Variants in KLC2 observed in about 807,000 individuals in gnomAD.
KLC2 encodes the protein kinesin light chain 2, also known as KLC 2.
A neutral mutation model predicts 75.1 loss-of-function variants in KLC2; 35 were observed. The observed-to-expected ratio is 0.47, with a 90% CI of 0.36 to 0.62. The LOEUF is 0.62. Ranked by LOEUF, KLC2 falls within the 20% of genes least tolerant of loss-of-function variation. The pLI, the probability that KLC2 is intolerant of heterozygous loss-of-function variation, is 0.00. For synonymous variants in KLC2, 314 were observed against 336.7 expected, an observed-to-expected ratio of 0.93 and a Z score of 0.74; for missense variants, 611 against 833.2, an observed-to-expected ratio of 0.73 and a Z score of 3.28.
chr11:66,245,318 C>T, the KLC2 span, among the ~76,000 whole-genome samples: 5 of 152,204 alleles, frequency 3.3e-5, no homozygotes, highest in South Asian at 2.1e-4. Context: ...CAGTGGCTCA[C>T]GCCTGTAATC....
intron 4 of KLC2, 173 bp downstream of exon 4, chr11:66,262,365 T>G: frequency 1.6e-6 from 1 of 623,456 alleles, no homozygotes; most frequent in Non-Finnish European, 2.9e-6. Context: ...CCCCCAGCTC[T>G]GTGGTGAGCA....
intron 4 of KLC2, 73 bp downstream of exon 4, chr11:66,262,265 G>C (rs1856492257): frequency 8.3e-7 from 1 of 1,199,798 alleles, no homozygotes; most frequent in African/African-American, 1.5e-5. Context: ...CCGAGTGGCT[G>C]CCATGTTCCT....
In KLC2 at chr11:66,265,167, G is replaced by C; in HGVS notation, c.1267-1G>C. ...CTTCTTGTGACCATTCTTTCCTCCA[G>C]GATAAGCGCCGGGACAGCGCCCCCT... On this transcript the variant is annotated splice_acceptor_variant, in intron 10 of 15. Transcript: ENST00000394067. LOFTEE classifies it high-confidence loss of function. 1 of 1,613,532 alleles carries C rather than the reference G, an allele frequency of 6.2e-7. No homozygotes were observed. The highest frequency in any genetic ancestry group is 8.5e-7 in the Non-Finnish European group (1 of 1,179,528).
Position 66,265,862 on chromosome 11 carries a change from C to G in KLC2, c.1452C>G (p.Asp484Glu). ...CASRNRKQGLDPASQTKVVEL... is the reference protein window; with the variant it reads ...CASRNRKQGLEPASQTKVVEL... ...CCCTGCCCCTCCCTCAGGGTTTGGA[C>G]CCCGCAAGCCAGACCAAGGTGGTAG... Residue 484 changes from aspartate to glutamate, a missense_variant, in exon 13 of 16, where the codon GAC becomes GAG. Asp to Glu is a conservative substitution (Grantham distance 45). Coordinates refer to ENST00000394067, the MANE Select transcript of KLC2 (RefSeq NM_001318734.2). 1.3e-6 allele frequency: 2 copies of G among 1,573,232 alleles called. No homozygotes were observed. Among genetic ancestry groups the G allele is most frequent in the Non-Finnish European group, 1.7e-6 (2 of 1,155,466 alleles).
At chr11:66,254,698 G>C (rs930808857), upstream of KLC2, among the ~76,000 whole-genome samples, 12 of 150,020 alleles carry the variant, frequency 8.0e-5, no homozygotes, top group Admixed American at 8.0e-4. Flanking sequence ...CACTTTGGGA[G>C]GCCAAGGTGG....
At position 66,267,781 on chromosome 11, in the gene KLC2, G is replaced by A. The variant is rs1002029262; in HGVS notation, c.*825G>A. 12 of 452,526 alleles carry A rather than the reference G, an allele frequency of 2.7e-5. No individual in the cohort carries two copies. In the South Asian group the frequency reaches 6.0e-4, roughly 23 times the overall value. 28.0% of individuals were successfully genotyped at this position (452,526 alleles called of 1,614,324 possible). On this transcript the variant is annotated 3_prime_UTR_variant, in exon 16 of 16. Transcript: ENST00000394067. ...GGCGACGGTCCCCTGGTGGCAGGAG[G>A]GGCTCCCCCTGTTGCGGGTGAGGCG...
At chr11:66,246,438 C>T in the KLC2 span, among the ~76,000 whole-genome samples, 1 of 152,128 alleles carries the variant, frequency 6.6e-6, no homozygotes, top group East Asian at 1.9e-4. Flanking sequence ...CCTCAGCCTC[C>T]CCTTCTGTGG....
At chr11:66,247,816 T>C in the KLC2 span, among the ~76,000 whole-genome samples, 1 of 152,240 alleles carries the variant, frequency 6.6e-6, no homozygotes, top group Admixed American at 6.5e-5. Context: ...TCCCTCTTGC[T>C]GCTGGAATTG....
Position 66,258,607 on chromosome 11 carries a change from G to A in KLC2, c.13G>A (p.Val5Met). Residue 5 changes from valine to methionine, a missense_variant, in exon 2 of 16, where the codon GTG (valine) becomes ATG (methionine). Coordinates refer to ENST00000394067, the MANE Select transcript of KLC2 (RefSeq NM_001318734.2). ...AGACGCCACAGCCATGGCCATGATG[G>A]TGTTTCCGCGGGAGGAGAAGCTGAG... MAMM[V>M]FPREEKLSQD... 1 of 1,613,226 alleles carries A rather than the reference G, an allele frequency of 6.2e-7. No individual in the cohort carries two copies. The highest frequency in any genetic ancestry group is 1.3e-5 in the African/African-American group (1 of 75,054).
chr11:66,267,605 C>G lies in KLC2; in HGVS notation c.*649C>G. On this transcript the variant is annotated 3_prime_UTR_variant, in exon 16 of 16. Coordinates refer to ENST00000394067, the MANE Select transcript of KLC2 (RefSeq NM_001318734.2). ...GACGGGGACCTCCCCTTAGTCCGTC[C>G]TCCCACCGCCGGGCCCTGCCCCGCA... 1 of 602,922 alleles carries G rather than the reference C, an allele frequency of 1.7e-6. No homozygotes were observed. The highest frequency in any genetic ancestry group is 1.9e-5 in the South Asian group (1 of 51,732). The allele number at this position is 602,922 out of a possible 1,614,324, so 37.3% of individuals were successfully genotyped here. A position where few individuals can be genotyped will look rare whatever the true frequency, so the allele number is the denominator to read the frequency against.
intron 2 of KLC2, 104 bp from the exon 3 acceptor site, chr11:66,261,638 A>C: frequency 3.0e-6 from 2 of 675,114 alleles, no homozygotes. Flanking sequence ...CTGTAGGGCC[A>C]GGCCTGGCCC....
At chr11:66,246,605 A>T in the KLC2 span, among the ~76,000 whole-genome samples, 2 of 152,078 alleles carry the variant, frequency 1.3e-5, no homozygotes. Flanking sequence ...GTATAGCTCA[A>T]TATCAAAGAC....
chr11:66,248,293 GTGAGTCAATCGTGATGCACGA>G, the KLC2 span, among the ~76,000 whole-genome samples: 1 of 152,182 alleles, frequency 6.6e-6, no homozygotes, highest in African/African-American at 2.4e-5. Context: ...GTCATAACTA[GTGAGTCAATCGTGATGCACGA>G]TTATTAACTA....
At chr11:66,258,090 T>C (rs1856131387) in intron 1 of KLC2, 1 of 155,836 alleles carries the variant, frequency 6.4e-6, no homozygotes, top group Non-Finnish European at 1.4e-5. Flanking sequence ...GGGGTCGTCG[T>C]GGGCGTAGCC....
upstream of KLC2, among the ~76,000 whole-genome samples, chr11:66,254,983 T>A (rs1351020118): frequency 1.3e-5 from 2 of 151,600 alleles, no homozygotes; most frequent in Non-Finnish European, 2.9e-5. Flanking sequence ...CAAATCTCAA[T>A]CTCTAGAGGG....
At chr11:66,260,797 A>C (rs917333638) in intron 2 of KLC2, 1 of 151,692 alleles carries the variant, frequency 6.6e-6, no homozygotes, top group African/African-American at 2.4e-5. Context: ...GGGTTTCACC[A>C]TGTTGGCCAG....
chr11:66,261,634 G>A, intron 2 of KLC2, 108 bp from the exon 3 acceptor site: 1 of 661,894 alleles, frequency 1.5e-6, no homozygotes, highest in Admixed American at 2.8e-5. Flanking sequence ...CTCACTGTAG[G>A]GCCAGGCCTG....
intron 5 of KLC2, among the ~76,000 whole-genome samples, chr11:66,263,414 C>T (rs1272655843): frequency 6.6e-6 from 1 of 152,202 alleles, no homozygotes; most frequent in African/African-American, 2.4e-5. Context: ...AGCCATGTGG[C>T]GCCCAGGAAT....
At chr11:66,259,843 C>CT (rs1856264049) in intron 2 of KLC2, 1 of 152,150 alleles carries the variant, frequency 6.6e-6, no homozygotes, top group African/African-American at 2.4e-5. Context: ...CCAGCAAGAC[C>CT]TGGGGGTGGA....
Sources: allele counts gnomAD v4.1 joint callset (sites outside exome capture counted in the v4.1 genomes callset), GRCh38; gene constraint gnomAD v4.1.1; transcripts MANE v1.5; gene names NCBI Gene and HGNC (gene_info 2026-07-23, HGNC 2026-07-21).